The following SCG5 variants were observed in gnomAD, a reference collection of about 807,000 sequenced individuals.
The protein encoded by SCG5 is secretogranin V.
Under a neutral mutation model 25.7 loss-of-function variants are expected in SCG5, and 18 were observed. The observed-to-expected ratio is 0.70, with a 90% CI of 0.48 to 1.04. The LOEUF is 1.04. Among genes scored for constraint, SCG5 ranks in the 50% least tolerant of loss-of-function variants. SCG5 has a pLI of 0.00. For missense variants in SCG5, 206 were observed against 259.8 expected (o/e 0.79, Z 1.42); for synonymous variants, 101 against 91.7 (o/e 1.10, Z -0.58).
intron 2 of SCG5, 90 bp from the exon 3 acceptor site, chr15:32,679,676 C>T: frequency 7.2e-7 from 1 of 1,396,048 alleles, no homozygotes; most frequent in Non-Finnish European, 1.0e-6. Flanking sequence ...GCAGAAGGCA[C>T]AGGGCTTTTC....
rs183067935 is a variant in SCG5, at chr15:32,681,527, G to A, written c.376+1612G>A. Among the ~76,000 whole-genome samples, 239 of 148,562 alleles carry A rather than the reference G, an allele frequency of 1.6e-3. No homozygotes were observed. The Middle Eastern group carries it at 0.018, about 11-fold the overall frequency. ...GATAGGGTCTTACTTTGTTGCCCAG[G>A]TGGGAGTGTAGTGGCACAATTATAG... On this transcript the variant is annotated intron_variant, in intron 3 of 5. Coordinates refer to ENST00000300175, the MANE Select transcript of SCG5 (RefSeq NM_001144757.3).
At chr15:32,696,420 G>A in intron 5 of SCG5, 94 bp from the exon 6 acceptor site, 1 of 952,968 alleles carries the variant, frequency 1.0e-6, no homozygotes, top group Non-Finnish European at 1.6e-6. Context: ...CCCGGCCCCA[G>A]AAACGATTCT....
intron 4 of SCG5, among the ~76,000 whole-genome samples, chr15:32,691,504 A>G (rs1162381966): frequency 6.6e-6 from 1 of 152,218 alleles, no homozygotes; most frequent in Non-Finnish European, 1.5e-5. Context: ...AGGGCATTGC[A>G]GAGGACTTTA....
At chr15:32,667,965 G>A (rs374488697) in intron 2 of SCG5, among the ~76,000 whole-genome samples, 7 of 152,106 alleles carry the variant, frequency 4.6e-5, no homozygotes, top group Non-Finnish European at 5.9e-5. Flanking sequence ...ATGAGCCACC[G>A]GACCCACTTT....
At chr15:32,695,396 CT>C (rs1159403192) in intron 5 of SCG5, among the ~76,000 whole-genome samples, 1 of 151,976 alleles carries the variant, frequency 6.6e-6, no homozygotes, top group African/African-American at 2.4e-5. Context: ...TTGAATTTTT[CT>C]TCTGCTTGCT....
Position 32,672,722 on chromosome 15 carries a change from C to T in SCG5, c.227-7044C>T, listed in dbSNP as rs145817126. On this transcript the variant is annotated intron_variant, in intron 2 of 5. Coordinates refer to ENST00000300175, the MANE Select transcript of SCG5 (RefSeq NM_001144757.3). ...GGCCTCGTGGGGGCTCTCTCAGTGC[C>T]ACTGTAGAGTGAACACAGGGCTGGA... Among the ~76,000 whole-genome samples the T allele has an allele frequency of 2.5e-3, 378 of 152,218 alleles. 1 individual carries two copies. The highest frequency in any genetic ancestry group is 4.3e-3 in the Non-Finnish European group (295 of 68,020).
At chr15:32,668,600 C>T (rs1338510065) in intron 2 of SCG5, among the ~76,000 whole-genome samples, 1 of 152,236 alleles carries the variant, frequency 6.6e-6, no homozygotes, top group Non-Finnish European at 1.5e-5. Context: ...CCACCTCATC[C>T]CATCCAGAAT....
At chr15:32,678,907 A>G (rs989601748) in intron 2 of SCG5, among the ~76,000 whole-genome samples, 8 of 152,248 alleles carry the variant, frequency 5.3e-5, no homozygotes. Context: ...AAATGAATAT[A>G]TACTTAGTAT....
intron 4 of SCG5, among the ~76,000 whole-genome samples, chr15:32,685,051 A>T (rs762992180): frequency 6.6e-6 from 1 of 152,206 alleles, no homozygotes; most frequent in Non-Finnish European, 1.5e-5. Context: ...GTGATCTCTA[A>T]ACTAAGGGAG....
intron 2 of SCG5, among the ~76,000 whole-genome samples, chr15:32,667,152 G>A (rs907016252): frequency 6.6e-6 from 1 of 152,166 alleles, no homozygotes; most frequent in African/African-American, 2.4e-5. Context: ...GAAGTGAGAA[G>A]ACTAGACAAT....
intron 2 of SCG5, among the ~76,000 whole-genome samples, chr15:32,673,537 T>TGTGA (rs969701597): frequency 1.7e-4 from 25 of 150,654 alleles, no homozygotes; most frequent in Non-Finnish European, 3.4e-4. Context: ...CGTGTGTGTG[T>TGTGA]GTGTGTGTGT....
chr15:32,674,229 G>T (rs569101599), intron 2 of SCG5, among the ~76,000 whole-genome samples: 1 of 152,290 alleles, frequency 6.6e-6, no homozygotes, highest in African/African-American at 2.4e-5. Flanking sequence ...TTAAACCGAT[G>T]CTTCAGTGAT....
intron 5 of SCG5, among the ~76,000 whole-genome samples, chr15:32,695,870 G>A (rs1349463217): frequency 6.6e-6 from 1 of 152,108 alleles, no homozygotes; most frequent in East Asian, 1.9e-4. Context: ...TTAGTAGCAA[G>A]GACTTATGAG....
At chr15:32,670,060 C>G (rs933973285) in intron 2 of SCG5, among the ~76,000 whole-genome samples, 1 of 152,158 alleles carries the variant, frequency 6.6e-6, no homozygotes, top group Admixed American at 6.5e-5. Context: ...TCACTGTTTG[C>G]GTGCCTCTGA....
Position 32,696,499 on chromosome 15 carries a change from TTG to T in SCG5, c.544-13_544-12del. ...TAACACCAAACCACATGGTTTTTGT[TTG>T]TTTGTTTTTCAGAGTGTCAATCCAT... On this transcript the variant is annotated splice_polypyrimidine_tract_variant and intron_variant, in intron 5 of 5. Transcript: ENST00000300175. The T allele has an allele frequency of 6.4e-7, 1 of 1,573,814 alleles. No homozygotes were observed. Among genetic ancestry groups the T allele is most frequent in the Non-Finnish European group, 8.7e-7 (1 of 1,145,826 alleles).
At chr15:32,683,427 G>C (rs184768594) in intron 3 of SCG5, among the ~76,000 whole-genome samples, 2 of 152,224 alleles carry the variant, frequency 1.3e-5, no homozygotes, top group Admixed American at 1.3e-4. Flanking sequence ...ATCATGCCTA[G>C]TAATAATAGA....
chr15:32,657,220 T>TATATATA (rs71113464), intron 2 of SCG5, among the ~76,000 whole-genome samples: 21 of 106,562 alleles, frequency 2.0e-4, no homozygotes, highest in Non-Finnish European at 3.5e-4. Context: ...TATGTATGTA[T>TATATATA]TTCCAGGTGT....
intron 2 of SCG5, chr15:32,672,902 C>T (rs1048323261): frequency 1.5e-5 from 2 of 134,974 alleles, no homozygotes; most frequent in African/African-American, 3.1e-5. Context: ...ACTGTTGAAA[C>T]CATAACATCA....
chr15:32,692,014 C>T lies in SCG5; in HGVS notation c.543+251C>T, dbSNP rs139597777. The T allele has an allele frequency of 1.1e-3, 1,460 of 1,364,774 alleles. 11 individuals are homozygous for T. In the African/African-American group the frequency reaches 0.016, roughly 15 times the overall value. 84.5% of individuals were successfully genotyped at this position (1,364,774 alleles called of 1,614,324 possible). ...TGTAGCAATTCTAGCAACTCCATTC[C>T]GTTCAGGAAATGTGTATTGCTTCCC... On this transcript the variant is annotated intron_variant, in intron 5 of 5. Coordinates refer to ENST00000300175, the MANE Select transcript of SCG5 (RefSeq NM_001144757.3).
Sources: allele counts gnomAD v4.1 joint callset (sites outside exome capture counted in the v4.1 genomes callset), GRCh38; gene constraint gnomAD v4.1.1; transcripts MANE v1.5; gene names NCBI Gene and HGNC (gene_info 2026-07-23, HGNC 2026-07-21).